RUNX1: variants seen among roughly 807,000 people sequenced by gnomAD.
RUNX1 encodes the protein runt-related transcription factor 1.
In RUNX1, 19 loss-of-function variants were observed where a neutral mutation model predicts 42.8. The observed-to-expected ratio is 0.44, with a 90% confidence interval of 0.31 to 0.65. The LOEUF is 0.65. Among genes scored for constraint, RUNX1 ranks in the 30% least tolerant of loss-of-function variants. The probability of loss-of-function intolerance (pLI) is 0.07; values close to 1 mark genes in which losing one functional copy is unlikely to be tolerated. For synonymous variants in RUNX1, 271 were observed against 289.4 expected (o/e 0.94, Z 0.64); for missense variants, 528 against 672.0 (o/e 0.79, Z 2.37).
At chr21:34,940,081 T>C (rs1478210377) in intron 2 of RUNX1, among the ~76,000 whole-genome samples, 24 of 152,208 alleles carry the variant, frequency 1.6e-4, no homozygotes, top group Admixed American at 1.6e-3. Context: ...AAAAAAATCA[T>C]GTTAGTTTTT....
At chr21:34,917,857 G>A (rs1404552892) in intron 2 of RUNX1, among the ~76,000 whole-genome samples, 3 of 152,138 alleles carry the variant, frequency 2.0e-5, no homozygotes, top group Non-Finnish European at 4.4e-5. Context: ...TTGGCCGGGC[G>A]TAGTGGCTCA....
chr21:34,873,338 T>A (rs1373764821), intron 5 of RUNX1, among the ~76,000 whole-genome samples: 1 of 152,184 alleles, frequency 6.6e-6, no homozygotes, highest in African/African-American at 2.4e-5. Context: ...CCAGCCCTCC[T>A]ATTAACTGGA....
chr21:34,952,541 A>G (rs2058616307), intron 2 of RUNX1, among the ~76,000 whole-genome samples: 1 of 152,128 alleles, frequency 6.6e-6, no homozygotes, highest in African/African-American at 2.4e-5. Context: ...GGGTCAATAT[A>G]TATGCTTTGA....
At position 34,898,498 on chromosome 21, in the gene RUNX1, T is replaced by A. The variant is rs114903471; in HGVS notation, c.59-5535A>T. On this transcript the variant is annotated intron_variant, in intron 2 of 8. Coordinates refer to ENST00000675419, the MANE Select transcript of RUNX1 (RefSeq NM_001754.5). Reference sequence around the variant, plus strand: ...ATACCTAAGCCATGCTCTCCAAAAGTTCTATCAGTGACCAAGCTGGTATTT... The same window carrying A: ...ATACCTAAGCCATGCTCTCCAAAAGATCTATCAGTGACCAAGCTGGTATTT... 2.7e-3 allele frequency among the ~76,000 whole-genome samples: 411 copies of A among 152,230 alleles called. 4 individuals are homozygous for A. The highest frequency in any genetic ancestry group is 9.2e-3 in the African/African-American group (383 of 41,536).
At chr21:34,931,847 T>C (rs1433706571) in intron 2 of RUNX1, among the ~76,000 whole-genome samples, 1 of 151,930 alleles carries the variant, frequency 6.6e-6, no homozygotes, top group Non-Finnish European at 1.5e-5. Context: ...GAGATAGGGC[T>C]GCGTAGAGTG....
chr21:34,813,870 A>C (rs2834641), intron 7 of RUNX1, among the ~76,000 whole-genome samples: 1,625 of 152,152 alleles, frequency 0.011, 90 homozygotes, highest in Admixed American at 0.083. Context: ...AGAAAGCTGC[A>C]GTGCGGAATG....
rs1057519748 is a variant in RUNX1 at position 34,859,486 on chromosome 21, G to A, written c.601C>T (p.Arg201Ter). Residue 201 changes from arginine (R) to a stop codon, truncating the protein, a stop_gained, in exon 6 of 9, where the codon CGA (arginine) becomes TGA (stop). Coordinates refer to ENST00000675419, the MANE Select transcript of RUNX1 (RefSeq NM_001754.5). LOFTEE classifies it high-confidence loss of function. ...RAIKITVDGP[R>*]EPRRHRQKLD... ...TGGATGCACTTACTTCGAGGTTCTC[G>A]GGGCCCATCCACTGTGATTTTGATG... 1.2e-6 allele frequency: 2 copies of A among 1,613,200 alleles called. No homozygotes were observed. Among genetic ancestry groups the A allele is most frequent in the Non-Finnish European group, 1.7e-6 (2 of 1,179,154 alleles).
intron 2 of RUNX1, among the ~76,000 whole-genome samples, chr21:34,966,130 G>C (rs2058716732): frequency 6.6e-6 from 1 of 152,186 alleles, no homozygotes; most frequent in Non-Finnish European, 1.5e-5. Context: ...ATTAGATAGA[G>C]CCCTGTTTTA....
intron 7 of RUNX1, among the ~76,000 whole-genome samples, chr21:34,814,398 C>G (rs1018178223): frequency 3.9e-5 from 6 of 152,198 alleles, no homozygotes; most frequent in African/African-American, 7.2e-5. Flanking sequence ...GCCTTTTCTT[C>G]TAATGGCCTT....
intron 2 of RUNX1, among the ~76,000 whole-genome samples, chr21:35,027,061 GTC>G (rs1225412412): frequency 6.6e-6 from 1 of 152,216 alleles, no homozygotes; most frequent in Non-Finnish European, 1.5e-5. Context: ...CGGGGTCTGT[GTC>G]AAGAGGCTTC....
chr21:34,950,269 C>T (rs925914660), intron 2 of RUNX1, among the ~76,000 whole-genome samples: 1 of 151,976 alleles, frequency 6.6e-6, no homozygotes, highest in African/African-American at 2.4e-5. Context: ...GTTTAGTACA[C>T]ATAAGTAATA....
chr21:34,796,418 G>A (rs1007748206), intron 8 of RUNX1, among the ~76,000 whole-genome samples: 2 of 152,094 alleles, frequency 1.3e-5, no homozygotes, highest in Non-Finnish European at 2.9e-5. Flanking sequence ...ATCAGTCTGC[G>A]CAGTTCACCC....
At chr21:35,042,405 A>G (rs967627181) in intron 2 of RUNX1, among the ~76,000 whole-genome samples, 3 of 152,210 alleles carry the variant, frequency 2.0e-5, no homozygotes, top group Non-Finnish European at 4.4e-5. Context: ...TGTCTTTGTC[A>G]CCAGGTCTGG....
At chr21:34,874,339 G>GT (rs559486311) in intron 5 of RUNX1, among the ~76,000 whole-genome samples, 210 of 151,902 alleles carry the variant, frequency 1.4e-3, no homozygotes, top group Non-Finnish European at 2.2e-3. Context: ...GCCAGGTACG[G>GT]TGGCTCACGA....
intron 5 of RUNX1, among the ~76,000 whole-genome samples, chr21:34,870,888 G>A (rs1601494928): frequency 1.3e-5 from 2 of 152,142 alleles, no homozygotes. Context: ...AACACAGGAG[G>A]CGGAGGCTGC....
chr21:34,905,793 A>G (rs1292053611), intron 2 of RUNX1, among the ~76,000 whole-genome samples: 1 of 151,620 alleles, frequency 6.6e-6, no homozygotes, highest in Non-Finnish European at 1.5e-5. Flanking sequence ...AAAAAAATTA[A>G]GTGTGGGATA....
In RUNX1 at chr21:34,958,369, C is replaced by T. The variant is rs113699952; in HGVS notation, c.59-65406G>A. ...AATTTACAAGAAAAAAACAAACAAC[C>T]CCATCAAAAAGTGGGCAAAGGATAT... On this transcript the variant is annotated intron_variant, in intron 2 of 8. Transcript: ENST00000675419. 6.6e-5 allele frequency among the ~76,000 whole-genome samples: 10 copies of T among 152,220 alleles called. No homozygotes were observed. In the South Asian group the frequency reaches 2.1e-3, roughly 32 times the overall value.
At position 34,936,487 on chromosome 21, in the gene RUNX1, G is replaced by A. The variant is rs117064907; in HGVS notation, c.59-43524C>T. ...CATCTCCTGTGTAACAGATGTTCAC[G>A]AATTTAAATGGAAACAGGATGGGCG... is the stretch of plus-strand genomic sequence containing the variant. On this transcript the variant is annotated intron_variant, in intron 2 of 8. Transcript: ENST00000675419. 9.2e-5 allele frequency among the ~76,000 whole-genome samples: 14 copies of A among 152,286 alleles called. No individual in the cohort carries two copies. The East Asian group carries it at 2.7e-3, about 29-fold the overall frequency.
At chr21:34,910,762 T>C (rs1017667580) in intron 2 of RUNX1, among the ~76,000 whole-genome samples, 1 of 152,094 alleles carries the variant, frequency 6.6e-6, no homozygotes, top group Non-Finnish European at 1.5e-5. Context: ...GTGTTTTGTA[T>C]TTTTTGTCGT....
Sources: gnomAD v4.1 joint callset for allele counts (sites outside exome capture counted in the v4.1 genomes callset) on GRCh38, gnomAD v4.1.1 for gene constraint, MANE v1.5 for transcripts, NCBI Gene and HGNC (gene_info 2026-07-23, HGNC 2026-07-21) for gene names.